The following CLYBL variants were observed in gnomAD, a reference collection of about 807,000 sequenced individuals.
The protein encoded by CLYBL is citramalyl-CoA lyase.
In CLYBL, 31 loss-of-function variants were observed where a neutral mutation model predicts 38.9. The observed-to-expected ratio is 0.80, with a 90% CI of 0.60 to 1.08. CLYBL has a LOEUF of 1.08. CLYBL is among the 50% of genes least tolerant of loss of function. The probability of loss-of-function intolerance (pLI) is 0.00; values close to 1 mark genes in which losing one functional copy is unlikely to be tolerated. For synonymous variants in CLYBL, 171 were observed against 158.6 expected, an observed-to-expected ratio of 1.08 and a Z score of -0.59; for missense variants, 434 against 411.6, an observed-to-expected ratio of 1.05 and a Z score of -0.47.
intron 1 of CLYBL, among the ~76,000 whole-genome samples, chr13:99,713,459 C>T (rs2048265900): frequency 6.6e-6 from 1 of 150,972 alleles, no homozygotes; most frequent in African/African-American, 2.4e-5. Context: ...CCTGCCTCAG[C>T]CTCCTGAGTA....
At chr13:99,771,471 T>C (rs1162361421) in intron 1 of CLYBL, among the ~76,000 whole-genome samples, 1 of 152,216 alleles carries the variant, frequency 6.6e-6, no homozygotes, top group African/African-American at 2.4e-5. Context: ...TCTGTTGCCA[T>C]TGTGAAGTTC....
At chr13:99,704,053 A>AT (rs2048109965) in intron 1 of CLYBL, among the ~76,000 whole-genome samples, 1 of 152,172 alleles carries the variant, frequency 6.6e-6, no homozygotes, top group Non-Finnish European at 1.5e-5. Flanking sequence ...TGTGGAAGTT[A>AT]TTTATGTAAA....
At chr13:99,680,566 A>G (rs1231768117) in intron 1 of CLYBL, among the ~76,000 whole-genome samples, 1 of 152,158 alleles carries the variant, frequency 6.6e-6, no homozygotes, top group Non-Finnish European at 1.5e-5. Flanking sequence ...TCAATCCAGA[A>G]CCCAGAGTTT....
chr13:99,626,814 C>T (rs1376578074), intron 1 of CLYBL, among the ~76,000 whole-genome samples: 2 of 151,990 alleles, frequency 1.3e-5, no homozygotes, highest in Non-Finnish European at 2.9e-5. Flanking sequence ...CAGTAATCTA[C>T]CCGATTGGTC....
At chr13:99,759,480 T>C (rs1440268237) in intron 1 of CLYBL, among the ~76,000 whole-genome samples, 1 of 152,142 alleles carries the variant, frequency 6.6e-6, no homozygotes, top group Non-Finnish European at 1.5e-5. Context: ...CACCCAAGTC[T>C]GGAGAGGTGG....
chr13:99,695,005 G>A (rs78429928), intron 1 of CLYBL, among the ~76,000 whole-genome samples: 2 of 152,150 alleles, frequency 1.3e-5, no homozygotes, highest in East Asian at 3.8e-4. Flanking sequence ...GCATGTTCGC[G>A]AAGTCCTTGG....
chr13:99,722,700 G>T (rs750269865), intron 1 of CLYBL, among the ~76,000 whole-genome samples: 1 of 152,180 alleles, frequency 6.6e-6, no homozygotes, highest in Non-Finnish European at 1.5e-5. Context: ...GAGGTTATAC[G>T]TAGAGAGTTC....
chr13:99,763,507 G>C (rs988102190), intron 1 of CLYBL, among the ~76,000 whole-genome samples: 3 of 150,330 alleles, frequency 2.0e-5, no homozygotes, highest in Non-Finnish European at 4.4e-5. Context: ...TCGCATCCCT[G>C]GGATTAATCT....
chr13:99,685,665 C>G (rs1199065160), intron 1 of CLYBL, among the ~76,000 whole-genome samples: 2 of 152,114 alleles, frequency 1.3e-5, no homozygotes, highest in African/African-American at 4.8e-5. Flanking sequence ...CCTTCTCTCT[C>G]AAGAACCTCT....
chr13:99,706,200 C>T (rs564035786), intron 1 of CLYBL, among the ~76,000 whole-genome samples: 1 of 152,000 alleles, frequency 6.6e-6, no homozygotes, highest in Non-Finnish European at 1.5e-5. Flanking sequence ...AAAGTGCTGG[C>T]ATTACAGGCG....
intron 9 of CLYBL, among the ~76,000 whole-genome samples, chr13:99,906,509 C>T (rs563530930): frequency 2.0e-4 from 31 of 152,036 alleles, no homozygotes; most frequent in African/African-American, 5.8e-4. Flanking sequence ...ATACCACCTC[C>T]GCCTCCCGGG....
rs1444244568 is a variant in CLYBL at position 99,869,790 on chromosome 13, A to G, written c.803-1148A>G. On this transcript the variant is annotated intron_variant, in intron 6 of 8. Transcript: ENST00000339105. The surrounding 1 kb of genome is among the most constrained non-coding windows in gnomAD (Gnocchi z 4.3). ...CTACTGTCTAAATGTTAAAATAACT[A>G]TTTCAAAAGCAAAGCAAACTGATAT... 6.6e-6 allele frequency among the ~76,000 whole-genome samples: 1 copy of G among 152,156 alleles called. No homozygotes were observed. The highest frequency in any genetic ancestry group is 1.5e-5 in the Non-Finnish European group (1 of 67,974).
At chr13:99,719,064 G>C (rs2051159832) in intron 1 of CLYBL, among the ~76,000 whole-genome samples, 1 of 151,922 alleles carries the variant, frequency 6.6e-6, no homozygotes, top group Admixed American at 6.6e-5. Context: ...TGTTGGTCAG[G>C]CTGGTCTTGA....
chr13:99,661,479 CTA>C (rs1216472559), intron 1 of CLYBL, among the ~76,000 whole-genome samples: 5 of 152,182 alleles, frequency 3.3e-5, no homozygotes, highest in African/African-American at 1.2e-4. Flanking sequence ...GTTATTCACT[CTA>C]AATGTCTTTT....
chr13:99,617,078 C>G (rs2046722888), intron 1 of CLYBL, among the ~76,000 whole-genome samples: 2 of 152,136 alleles, frequency 1.3e-5, no homozygotes, highest in South Asian at 4.1e-4. Flanking sequence ...TTTCTCCTCA[C>G]TGTGTCTAAA....
At chr13:99,780,675 C>T (rs1156626634) in intron 2 of CLYBL, among the ~76,000 whole-genome samples, 5 of 144,312 alleles carry the variant, frequency 3.5e-5, no homozygotes, top group Non-Finnish European at 6.1e-5. Context: ...CATGCCCAGC[C>T]GACAATTTCT....
chr13:99,610,979 C>G (rs962957858), intron 1 of CLYBL, among the ~76,000 whole-genome samples: 8 of 152,164 alleles, frequency 5.3e-5, no homozygotes. Context: ...GACAGTTTTA[C>G]AAGTAGGGTC....
intron 1 of CLYBL, among the ~76,000 whole-genome samples, chr13:99,626,762 A>G (rs1428850716): frequency 6.6e-6 from 1 of 152,158 alleles, no homozygotes; most frequent in Non-Finnish European, 1.5e-5. Flanking sequence ...AACTTCAAAC[A>G]GTTTAAATGT....
intron 1 of CLYBL, among the ~76,000 whole-genome samples, chr13:99,770,120 G>A (rs1167897487): frequency 1.6e-5 from 2 of 122,948 alleles, no homozygotes; most frequent in African/African-American, 6.1e-5. Flanking sequence ...CGCTCTTGTC[G>A]CCCAGGCAGG....
Sources: gnomAD v4.1 joint callset for allele counts (sites outside exome capture counted in the v4.1 genomes callset) on GRCh38, gnomAD v4.1.1 for gene constraint, Gnocchi (gnomAD v3.1) non-coding constraint, MANE v1.5 for transcripts, NCBI Gene and HGNC (gene_info 2026-07-23, HGNC 2026-07-21) for gene names.